The following PAPSS2 variants were observed in gnomAD, a reference collection of about 807,000 sequenced individuals.
PAPSS2 encodes bifunctional 3'-phosphoadenosine 5'-phosphosulfate synthase 2.
Under a neutral mutation model 66.5 loss-of-function variants are expected in PAPSS2, and 61 were observed. The ratio of observed to expected loss-of-function variants is 0.92; its 90% CI spans 0.75 to 1.14. The LOEUF (loss-of-function observed/expected upper bound fraction) is 1.14, where lower values mean the gene tolerates loss of function less well. PAPSS2 is among the 50% of genes most tolerant of loss of function. The pLI is 0.00. For synonymous variants in PAPSS2, 289 were observed against 287.5 expected (o/e 1.01, Z -0.05); for missense variants, 708 against 789.6 (o/e 0.90, Z 1.24).
chr10:87,739,172 G>T (rs1228065272), intron 9 of PAPSS2, among the ~76,000 whole-genome samples: 1 of 152,060 alleles, frequency 6.6e-6, no homozygotes, highest in Admixed American at 6.6e-5. Flanking sequence ...TCCATTTTGA[G>T]TTAAATTTTG....
chr10:87,685,460 C>T (rs918018121), intron 1 of PAPSS2, among the ~76,000 whole-genome samples: 15 of 152,114 alleles, frequency 9.9e-5, no homozygotes, highest in African/African-American at 3.4e-4. Flanking sequence ...GAGGACAAGG[C>T]GGCTTGAGCC....
intron 1 of PAPSS2, among the ~76,000 whole-genome samples, chr10:87,663,236 C>G (rs1174238652): frequency 6.6e-6 from 1 of 151,778 alleles, no homozygotes; most frequent in African/African-American, 2.4e-5. Flanking sequence ...CTCAGCCTCC[C>G]GAGTAGCTGG....
chr10:87,743,369 C>T lies in PAPSS2; in HGVS notation c.1223-4C>T. The stretch of plus-strand genomic sequence containing the variant: ...ACCTTCCTTCTTCTGCTTTCCTCTC[C>T]CAGATGCGGTGTTTGCATTCCAGTT... On this transcript the variant is annotated splice_region_variant and splice_polypyrimidine_tract_variant and intron_variant, in intron 10 of 12. Coordinates refer to ENST00000456849, the MANE Select transcript of PAPSS2 (RefSeq NM_001015880.2). 2 of 1,613,352 alleles carry T rather than the reference C, an allele frequency of 1.2e-6. No individual in the cohort carries two copies. Among genetic ancestry groups the T allele is most frequent in the Non-Finnish European group, 1.7e-6 (2 of 1,179,942 alleles).
intron 1 of PAPSS2, among the ~76,000 whole-genome samples, chr10:87,704,977 T>C (rs1271535673): frequency 6.6e-6 from 1 of 152,218 alleles, no homozygotes; most frequent in Admixed American, 6.5e-5. Flanking sequence ...TCTGTGTTTG[T>C]GTGCGTGTAC....
intron 9 of PAPSS2, among the ~76,000 whole-genome samples, chr10:87,736,263 C>CTTTTTTTTTTTTTTTTTTTTTTTT (rs10553485): frequency 9.7e-6 from 1 of 103,250 alleles, no homozygotes; most frequent in Non-Finnish European, 1.9e-5. Flanking sequence ...TTCTTTCTTT[C>CTTTTTTTTTTTTTTTTTTTTTTTT]TTTTTTTTTT....
rs754748727 is a variant in PAPSS2 at position 87,745,158 on chromosome 10, G to A, written c.1648G>A (p.Val550Met). 1 of 1,614,110 alleles carries A rather than the reference G, an allele frequency of 6.2e-7. No individual in the cohort carries two copies. Residue 550 changes from valine (V) to methionine (M), a missense_variant, in exon 12 of 13, where the codon GTG becomes ATG. By Grantham distance (21) the Val-to-Met change is conservative. Transcript: ENST00000456849. The part of the protein sequence containing the change: ...VLSMAPGLTS[V>M]EIIPFRVAAY... ...GAGCATGGCCCCTGGCCTCACCTCT[G>A]TGGAAATCATTCCATTCCGAGTGGC...
At chr10:87,711,941 T>C (rs1230839393) in intron 2 of PAPSS2, among the ~76,000 whole-genome samples, 1 of 152,002 alleles carries the variant, frequency 6.6e-6, no homozygotes, top group Non-Finnish European at 1.5e-5. Flanking sequence ...GATCCTAAAA[T>C]CCTAAAGGAC....
chr10:87,715,507 G>A (rs1853521699), intron 6 of PAPSS2, among the ~76,000 whole-genome samples: 1 of 152,202 alleles, frequency 6.6e-6, no homozygotes, highest in African/African-American at 2.4e-5. Flanking sequence ...GTTCAAATAA[G>A]TCATCTCAAT....
At chr10:87,745,292 A>C in intron 12 of PAPSS2, 61 bp downstream of exon 12, 1 of 1,389,244 alleles carries the variant, frequency 7.2e-7, no homozygotes, top group South Asian at 1.2e-5. Flanking sequence ...ATGAGGCAGA[A>C]TTTGGGCCCT....
intron 1 of PAPSS2, among the ~76,000 whole-genome samples, chr10:87,676,463 A>G (rs1490622185): frequency 6.6e-6 from 1 of 152,086 alleles, no homozygotes; most frequent in Non-Finnish European, 1.5e-5. Context: ...TTTCTGGGAG[A>G]AATATGTAAG....
At chr10:87,726,467 A>G (rs886753848) in intron 8 of PAPSS2, among the ~76,000 whole-genome samples, 2 of 152,218 alleles carry the variant, frequency 1.3e-5, no homozygotes, top group African/African-American at 4.8e-5. Context: ...AGTGCATTTA[A>G]AAATAACTAA....
chr10:87,714,367 A>G (rs953574383), intron 4 of PAPSS2, among the ~76,000 whole-genome samples, 185 bp downstream of exon 4: 2 of 152,202 alleles, frequency 1.3e-5, no homozygotes, highest in African/African-American at 4.8e-5. Flanking sequence ...GTAGGGTTTT[A>G]TTTTTAAGAA....
intron 1 of PAPSS2, among the ~76,000 whole-genome samples, chr10:87,677,603 C>A (rs7898017): frequency 0.028 from 4,298 of 152,196 alleles, 210 homozygotes; most frequent in African/African-American, 0.098. Context: ...GCAGGAGAAA[C>A]ATGGAGAATT....
intron 1 of PAPSS2, among the ~76,000 whole-genome samples, chr10:87,704,749 C>A (rs535498493): frequency 2.0e-4 from 31 of 152,268 alleles, no homozygotes; most frequent in Non-Finnish European, 3.8e-4. Context: ...TCAAGTGATT[C>A]TCCTGCCTCA....
At chr10:87,707,682 A>G (rs1428736786) in intron 1 of PAPSS2, among the ~76,000 whole-genome samples, 1 of 141,998 alleles carries the variant, frequency 7.0e-6, no homozygotes, top group Non-Finnish European at 1.5e-5. Context: ...TGATCCTCCC[A>G]CCTCAGCCTC....
At chr10:87,705,110 C>T (rs367674933) in intron 1 of PAPSS2, among the ~76,000 whole-genome samples, 43 of 152,296 alleles carry the variant, frequency 2.8e-4, no homozygotes, top group Non-Finnish European at 3.1e-4. Flanking sequence ...CCAGAAGCAA[C>T]GGCTGTTCTG....
intron 1 of PAPSS2, among the ~76,000 whole-genome samples, chr10:87,695,324 T>C (rs1161544092): frequency 2.0e-5 from 3 of 152,216 alleles, no homozygotes; most frequent in African/African-American, 7.2e-5. Flanking sequence ...TCCTCCCTCA[T>C]GATCTAATTA....
intron 1 of PAPSS2, among the ~76,000 whole-genome samples, chr10:87,700,996 A>G (rs936913874): frequency 1.3e-5 from 2 of 151,802 alleles, no homozygotes; most frequent in Non-Finnish European, 2.9e-5. Context: ...TTTTTGGCCC[A>G]GGTATGTATG....
rs1406833604 is a variant in PAPSS2 at position 87,713,099 on chromosome 10, C to T, written c.170C>T (p.Thr57Met). 4 of 1,611,784 alleles carry T rather than the reference C, an allele frequency of 2.5e-6. No homozygotes were observed. The highest frequency in any genetic ancestry group is 1.1e-5 in the South Asian group (1 of 91,020). Reference sequence around the variant, plus strand: ...GGTCTCTCTGGTGCTGGAAAAACAACGATAAGTTTTGCCCTGGAGGAGTAC... The same window carrying T: ...GGTCTCTCTGGTGCTGGAAAAACAATGATAAGTTTTGCCCTGGAGGAGTAC... ...LTGLSGAGKT[T>M]ISFALEEYLV... Residue 57 changes from threonine to methionine, a missense_variant, in exon 3 of 13, where the codon ACG becomes ATG. Physicochemically the swap from Thr to Met is moderately conservative, Grantham distance 81. Coordinates refer to ENST00000456849, the MANE Select transcript of PAPSS2 (RefSeq NM_001015880.2).
Sources: allele counts gnomAD v4.1 joint callset (sites outside exome capture counted in the v4.1 genomes callset), GRCh38; gene constraint gnomAD v4.1.1; transcripts MANE v1.5; gene names NCBI Gene and HGNC (gene_info 2026-07-23, HGNC 2026-07-21).